The following MAGI1 variants were observed in gnomAD, a reference collection of about 807,000 sequenced individuals.
MAGI1 encodes membrane associated guanylate kinase, WW and PDZ domain containing 1.
Under a neutral mutation model 139.9 loss-of-function variants are expected in MAGI1, and 58 were observed. The ratio of observed to expected loss-of-function variants is 0.41; its 90% confidence interval spans 0.34 to 0.52. MAGI1 has a LOEUF of 0.52. MAGI1 is among the 20% of genes least tolerant of loss of function. The probability of loss-of-function intolerance (pLI) is 0.12; values close to 1 mark genes in which losing one functional copy is unlikely to be tolerated. For synonymous variants in MAGI1, 812 were observed against 737.9 expected (o/e 1.10, Z -1.63); for missense variants, 1,874 against 1,901.6 (o/e 0.99, Z 0.27).
At chr3:65,441,993 T>C (rs886271422) in intron 8 of MAGI1, among the ~76,000 whole-genome samples, 5 of 152,064 alleles carry the variant, frequency 3.3e-5, no homozygotes, top group Non-Finnish European at 7.4e-5. Flanking sequence ...ATTATGTTTC[T>C]ACAACATTTA....
chr3:65,485,891 C>T (rs576698486), intron 3 of MAGI1, among the ~76,000 whole-genome samples: 2 of 152,180 alleles, frequency 1.3e-5, no homozygotes, highest in African/African-American at 2.4e-5. Flanking sequence ...GATCTCTAAG[C>T]AGGGAATTAA....
chr3:65,840,146 A>C (rs1162078707), intron 1 of MAGI1, among the ~76,000 whole-genome samples: 1 of 101,920 alleles, frequency 9.8e-6, no homozygotes, highest in Admixed American at 1.2e-4. Context: ...ATTAGTTCTA[A>C]GATTTTTTTT....
chr3:65,435,468 G>GGA (rs1947774724), intron 10 of MAGI1, among the ~76,000 whole-genome samples: 1 of 149,552 alleles, frequency 6.7e-6, no homozygotes, highest in South Asian at 2.1e-4. Flanking sequence ...ATATGTATAT[G>GGA]TGGATGGATG....
At chr3:65,980,834 T>C (rs2065535736) in intron 1 of MAGI1, among the ~76,000 whole-genome samples, 1 of 152,108 alleles carries the variant, frequency 6.6e-6, no homozygotes, top group Admixed American at 6.6e-5. Flanking sequence ...ATAATTACAA[T>C]TAAATGAATT....
intron 1 of MAGI1, among the ~76,000 whole-genome samples, chr3:66,021,309 C>T (rs767500048): frequency 2.6e-5 from 4 of 152,136 alleles, no homozygotes; most frequent in Non-Finnish European, 4.4e-5. Context: ...GCTGTCTTTC[C>T]ACCGGAGTTC....
At chr3:66,030,043 T>C (rs1263596104) in intron 1 of MAGI1, among the ~76,000 whole-genome samples, 5 of 152,134 alleles carry the variant, frequency 3.3e-5, no homozygotes, top group Admixed American at 3.3e-4. Context: ...TGTGACCTTA[T>C]CTCTGACTCC....
At chr3:65,491,537 A>G (rs978895298) in intron 3 of MAGI1, among the ~76,000 whole-genome samples, 1 of 151,958 alleles carries the variant, frequency 6.6e-6, no homozygotes, top group Non-Finnish European at 1.5e-5. Flanking sequence ...TTGACGACTG[A>G]AGCCCCCCAG....
rs1203459413 is a variant in MAGI1, at chr3:66,008,357, C to T, written c.313+29639G>A. Among the ~76,000 whole-genome samples, 4 of 152,318 alleles carry T rather than the reference C, an allele frequency of 2.6e-5. No homozygotes were observed. In the East Asian group the frequency reaches 7.7e-4, roughly 29 times the overall value. On this transcript the variant is annotated intron_variant, in intron 1 of 22. Transcript: ENST00000402939. Reference sequence around the variant, plus strand: ...ACGTGTGAATTTACAATGCTGGGCCCTACACCATCTGGTGAACCGAGAGAT... The same window carrying T: ...ACGTGTGAATTTACAATGCTGGGCCTTACACCATCTGGTGAACCGAGAGAT...
chr3:65,488,886 T>C (rs1382313028), intron 3 of MAGI1, among the ~76,000 whole-genome samples: 1 of 151,430 alleles, frequency 6.6e-6, no homozygotes, highest in African/African-American at 2.4e-5. Context: ...TTGCCCAGGC[T>C]GGTCGCGAGC....
chr3:65,772,724 G>A (rs116191864), intron 1 of MAGI1, among the ~76,000 whole-genome samples: 4,417 of 152,304 alleles, frequency 0.029, 83 homozygotes, highest in African/African-American at 0.04. Context: ...CTCACTGAGG[G>A]CAGTATTGCA....
intron 1 of MAGI1, among the ~76,000 whole-genome samples, chr3:65,818,999 A>G (rs955338661): frequency 6.6e-6 from 1 of 152,076 alleles, no homozygotes; most frequent in African/African-American, 2.4e-5. Flanking sequence ...TTAACAAGGC[A>G]TATGGTCCAG....
intron 12 of MAGI1, among the ~76,000 whole-genome samples, chr3:65,429,282 A>G (rs1280355312): frequency 1.3e-5 from 2 of 152,148 alleles, no homozygotes; most frequent in East Asian, 1.9e-4. Flanking sequence ...AAATCTTAAC[A>G]TTTTAAAAAG....
At chr3:65,846,652 G>A (rs192716436) in intron 1 of MAGI1, among the ~76,000 whole-genome samples, 1 of 152,142 alleles carries the variant, frequency 6.6e-6, no homozygotes, top group Non-Finnish European at 1.5e-5. Context: ...CTTTCGCCTT[G>A]TAACAGTTCT....
chr3:65,780,348 G>C (rs1403865173), intron 1 of MAGI1, among the ~76,000 whole-genome samples: 1 of 152,118 alleles, frequency 6.6e-6, no homozygotes, highest in African/African-American at 2.4e-5. Flanking sequence ...AAGATATACT[G>C]ATTAATTTCA....
intron 1 of MAGI1, among the ~76,000 whole-genome samples, chr3:65,892,870 G>A (rs2060823357): frequency 6.6e-6 from 1 of 152,142 alleles, no homozygotes; most frequent in African/African-American, 2.4e-5. Flanking sequence ...TTTGACAACT[G>A]AAGAAACTGA....
chr3:65,552,679 C>T (rs1190287952), intron 2 of MAGI1, among the ~76,000 whole-genome samples: 1 of 152,172 alleles, frequency 6.6e-6, no homozygotes, highest in Non-Finnish European at 1.5e-5. Context: ...GCAAATCTAG[C>T]TTTTCTTGGG....
At chr3:65,528,032 C>CT (rs1212662940) in intron 2 of MAGI1, among the ~76,000 whole-genome samples, 1 of 151,988 alleles carries the variant, frequency 6.6e-6, no homozygotes, top group East Asian at 1.9e-4. Flanking sequence ...TTACAGACTG[C>CT]TTTTTTTCAG....
At chr3:65,925,564 T>C (rs1404633081) in intron 1 of MAGI1, among the ~76,000 whole-genome samples, 3 of 152,222 alleles carry the variant, frequency 2.0e-5, no homozygotes, top group Non-Finnish European at 4.4e-5. Context: ...TTCTATAACC[T>C]AGAACACTAA....
intron 2 of MAGI1, among the ~76,000 whole-genome samples, chr3:65,521,165 T>G (rs113245294): frequency 1.8e-4 from 27 of 152,154 alleles, no homozygotes; most frequent in African/African-American, 5.3e-4. Flanking sequence ...AACCTAAGCT[T>G]GATAACAGAT....
Sources: allele counts gnomAD v4.1 joint callset (sites outside exome capture counted in the v4.1 genomes callset), GRCh38; gene constraint gnomAD v4.1.1; transcripts MANE v1.5; gene names NCBI Gene and HGNC (gene_info 2026-07-23, HGNC 2026-07-21).